FUT8: variants seen among roughly 807,000 people sequenced by gnomAD.
FUT8 encodes fucosyltransferase 8.
Under a neutral mutation model 71.3 loss-of-function variants are expected in FUT8, and 29 were observed. The observed-to-expected ratio is 0.41, with a 90% CI of 0.30 to 0.55. The LOEUF (loss-of-function observed/expected upper bound fraction) is 0.55. Ranked by LOEUF, FUT8 falls within the 20% of genes least tolerant of loss-of-function variation. The probability of loss-of-function intolerance (pLI) is 0.34; values close to 1 mark genes in which losing one functional copy is unlikely to be tolerated. For missense variants in FUT8, 544 were observed against 702.1 expected (o/e 0.77, Z 2.55); for synonymous variants, 254 against 239.3 (o/e 1.06, Z -0.57).
At chr14:65,559,887 TA>T (rs1566822293) in intron 2 of FUT8, among the ~76,000 whole-genome samples, 1 of 152,194 alleles carries the variant, frequency 6.6e-6, no homozygotes, top group African/African-American at 2.4e-5. Context: ...GAATAGTTAT[TA>T]AAACAACAGA....
At position 65,706,128 on chromosome 14, in the gene FUT8, T is replaced by C. The variant is rs143938435; in HGVS notation, c.836-15647T>C. 8.5e-4 allele frequency among the ~76,000 whole-genome samples: 130 copies of C among 152,346 alleles called. 1 individual carries two copies. The highest frequency in any genetic ancestry group is 3.0e-3 in the African/African-American group (125 of 41,582). On this transcript the variant is annotated intron_variant, in intron 7 of 10. Transcript: ENST00000673929. ...CCTTAAAATAACTTAATGAGTAAGA[T>C]ACTATTATCAGTCCCATTTTATAGA...
At chr14:65,445,880 G>A (rs1364774458) in intron 1 of FUT8, among the ~76,000 whole-genome samples, 1 of 152,164 alleles carries the variant, frequency 6.6e-6, no homozygotes, top group Admixed American at 6.5e-5. Flanking sequence ...CCCCTGCCTT[G>A]GCCTCCCAAA....
rs192234772 is a variant in FUT8, at chr14:65,690,593, T to A, written c.835+21113T>A. 1.6e-4 allele frequency among the ~76,000 whole-genome samples: 25 copies of A among 152,262 alleles called. No individual in the cohort carries two copies. In the East Asian group the frequency reaches 3.9e-3, roughly 24 times the overall value. On this transcript the variant is annotated intron_variant, in intron 7 of 10. Coordinates refer to ENST00000673929, the MANE Select transcript of FUT8 (RefSeq NM_001371533.1). Reference sequence around the variant, plus strand: ...AATTTTTGTCATATAGAGCTCATAATGTATTTTATTAGACTTTAACTTCTG... The same window carrying A: ...AATTTTTGTCATATAGAGCTCATAAAGTATTTTATTAGACTTTAACTTCTG...
intron 1 of FUT8, among the ~76,000 whole-genome samples, chr14:65,438,495 A>C (rs1380664068): frequency 1.3e-5 from 2 of 152,128 alleles, no homozygotes; most frequent in Admixed American, 6.5e-5. Context: ...CATTTTTTCC[A>C]GCTGCCAACT....
chr14:65,409,056 G>A (rs757514798), upstream of FUT8, among the ~76,000 whole-genome samples: 3 of 152,128 alleles, frequency 2.0e-5, no homozygotes, highest in African/African-American at 4.8e-5. This position sits in a 1 kb window ranked among gnomAD's most constrained non-coding sequence, Gnocchi z 5.4. Flanking sequence ...TAGAACTGAC[G>A]AACAACTAAA....
intron 2 of FUT8, among the ~76,000 whole-genome samples, chr14:65,518,683 C>T (rs921599241): frequency 2.6e-5 from 4 of 152,054 alleles, no homozygotes; most frequent in Admixed American, 1.3e-4. Context: ...CGCCACCATG[C>T]CAGGCTAATT....
chr14:65,728,035 CA>C (rs1895775208), intron 9 of FUT8, among the ~76,000 whole-genome samples: 2 of 152,296 alleles, frequency 1.3e-5, no homozygotes, highest in South Asian at 4.1e-4. Context: ...CATCTGAGAC[CA>C]CCTCAGCCCA....
chr14:65,396,597 G>A, the FUT8 span, among the ~76,000 whole-genome samples: 1 of 152,270 alleles, frequency 6.6e-6, no homozygotes, highest in South Asian at 2.1e-4. The surrounding 1 kb of genome is among the most constrained non-coding windows in gnomAD (Gnocchi z 5.5). Context: ...ACAACACATG[G>A]GAATTATGGG....
chr14:65,615,871 G>A (rs1257251618), intron 3 of FUT8, 107 bp from the exon 4 acceptor site: 1 of 749,284 alleles, frequency 1.3e-6, no homozygotes, highest in East Asian at 2.7e-5. Context: ...GTGCTATATG[G>A]TTCAACAACT....
intron 3 of FUT8, among the ~76,000 whole-genome samples, chr14:65,562,481 A>G (rs1885966691): frequency 6.6e-6 from 1 of 152,152 alleles, no homozygotes; most frequent in African/African-American, 2.4e-5. Context: ...CAACTGTTTG[A>G]AAACCAAAGT....
intron 3 of FUT8, among the ~76,000 whole-genome samples, chr14:65,590,494 T>C (rs1887631026): frequency 6.6e-6 from 1 of 152,108 alleles, no homozygotes; most frequent in Admixed American, 6.5e-5. Flanking sequence ...TCTCTCTGTT[T>C]CTCCTCTTGA....
chr14:65,456,461 T>C (rs112679980), intron 2 of FUT8, among the ~76,000 whole-genome samples: 2 of 152,344 alleles, frequency 1.3e-5, no homozygotes, highest in African/African-American at 4.8e-5. Context: ...TGTTCCATTT[T>C]ATGGATATAC....
In FUT8 at chr14:65,743,692, C is replaced by T. The variant is rs940642024; in HGVS notation, c.*1282C>T. On this transcript the variant is annotated 3_prime_UTR_variant, in exon 11 of 11. Coordinates refer to ENST00000673929, the MANE Select transcript of FUT8 (RefSeq NM_001371533.1). ...AGAAGCGGGACCAATGGGAGACTCA[C>T]AATGGACTGAGTCTTGGGATTATCT... The T allele has an allele frequency of 6.6e-6, 1 of 151,822 alleles. No individual in the cohort carries two copies. The highest frequency in any genetic ancestry group is 1.5e-5 in the Non-Finnish European group (1 of 67,872). 9.4% of individuals were successfully genotyped at this position (151,822 alleles called of 1,614,324 possible).
At position 65,700,810 on chromosome 14, in the gene FUT8, G is replaced by A. The variant is rs75441783; in HGVS notation, c.836-20965G>A. Reference sequence around the variant, plus strand: ...TAAGCTTTGAACATACTGCCTCTCAGCGTTCATCTTTTTAGATAGAAGAGA... The same window carrying A: ...TAAGCTTTGAACATACTGCCTCTCAACGTTCATCTTTTTAGATAGAAGAGA... On this transcript the variant is annotated intron_variant, in intron 7 of 10. Transcript: ENST00000673929. Among the ~76,000 whole-genome samples, 176 of 152,232 alleles carry A rather than the reference G, an allele frequency of 1.2e-3. 5 individuals carry two copies. The East Asian group carries it at 0.029, about 25-fold the overall frequency.
chr14:65,457,509 A>G (rs904379925), intron 2 of FUT8, among the ~76,000 whole-genome samples: 1 of 152,186 alleles, frequency 6.6e-6, no homozygotes. Flanking sequence ...AAAACCTCTC[A>G]GACACCGAGT....
At chr14:65,589,705 A>G (rs1180952511) in intron 3 of FUT8, among the ~76,000 whole-genome samples, 1 of 151,984 alleles carries the variant, frequency 6.6e-6, no homozygotes, top group Admixed American at 6.6e-5. Context: ...CGGCCTCCCA[A>G]AGTGCTGGGA....
At chr14:65,612,588 C>A (rs1169585982) in intron 3 of FUT8, among the ~76,000 whole-genome samples, 1 of 152,212 alleles carries the variant, frequency 6.6e-6, no homozygotes, top group East Asian at 1.9e-4. Context: ...ACAGTTCTCT[C>A]TTATTCAAAC....
At chr14:65,431,568 C>T (rs1198523254) in intron 1 of FUT8, among the ~76,000 whole-genome samples, 1 of 152,022 alleles carries the variant, frequency 6.6e-6, no homozygotes, top group Admixed American at 6.6e-5. Context: ...CTGCCTCAGC[C>T]TCTTAAAGTG....
At chr14:65,558,881 T>C (rs1239972046) in intron 2 of FUT8, among the ~76,000 whole-genome samples, 1 of 132,258 alleles carries the variant, frequency 7.6e-6, no homozygotes. Flanking sequence ...ATGATGCTAT[T>C]AATTAGAAAA....
Sources: allele counts gnomAD v4.1 joint callset (sites outside exome capture counted in the v4.1 genomes callset), GRCh38; gene constraint gnomAD v4.1.1; non-coding constraint Gnocchi (gnomAD v3.1); transcripts MANE v1.5; gene names NCBI Gene and HGNC (gene_info 2026-07-23, HGNC 2026-07-21).